The following GNAS variants were observed in gnomAD, a reference collection of about 807,000 sequenced individuals.
GNAS encodes GNAS complex locus, also known as protein ALEX.
A neutral mutation model predicts 54.5 loss-of-function variants in GNAS; 8 were observed. The ratio of observed to expected loss-of-function variants is 0.15; its 90% CI spans 0.09 to 0.26. The LOEUF is 0.26. Among genes scored for constraint, GNAS ranks in the 10% least tolerant of loss-of-function variants. GNAS has a pLI of 1.00. For missense variants in GNAS, 170 were observed against 529.8 expected, an observed-to-expected ratio of 0.32 and a Z score of 6.67; for synonymous variants, 204 against 191.4, an observed-to-expected ratio of 1.07 and a Z score of -0.54.
chr20:58,860,361 T>C (rs1480790195), intron 1 of GNAS, among the ~76,000 whole-genome samples: 2 of 152,060 alleles, frequency 1.3e-5, no homozygotes, highest in Non-Finnish European at 2.9e-5. Flanking sequence ...TGTTTTGTTT[T>C]GTTTTTTTGC....
intron 1 of GNAS, 169 bp downstream of exon 1, chr20:58,892,034 CG>C: frequency 1.2e-6 from 1 of 844,810 alleles, no homozygotes; most frequent in South Asian, 5.4e-5. Flanking sequence ...CCCAGGGGCG[CG>C]GATTCGGCCG....
chr20:58,889,153 A>C (rs2088842335), upstream of GNAS: 1 of 1,212,602 alleles, frequency 8.2e-7, no homozygotes, highest in Non-Finnish European at 1.1e-6. Flanking sequence ...GGCCGGTTAG[A>C]AGCTCTGCTC....
chr20:58,883,972 T>G (rs1275889519), intron 1 of GNAS, among the ~76,000 whole-genome samples: 3 of 152,246 alleles, frequency 2.0e-5, no homozygotes, highest in Admixed American at 6.5e-5. Flanking sequence ...TGAAAAGGTA[T>G]CTACATTTCT....
chr20:58,879,618 CAG>C (rs1317033929), intron 1 of GNAS, among the ~76,000 whole-genome samples: 3 of 152,166 alleles, frequency 2.0e-5, no homozygotes, highest in Non-Finnish European at 2.9e-5. Flanking sequence ...CAAATGCACT[CAG>C]AGGGGTGCGG....
chr20:58,881,067 C>G (rs895753383), intron 1 of GNAS, among the ~76,000 whole-genome samples: 2 of 152,184 alleles, frequency 1.3e-5, no homozygotes, highest in Non-Finnish European at 2.9e-5. Flanking sequence ...TGCATTCATT[C>G]AACTAACTTA....
intron 1 of GNAS, among the ~76,000 whole-genome samples, chr20:58,865,444 T>A (rs1342307264): frequency 3.4e-5 from 5 of 147,808 alleles, no homozygotes; most frequent in Non-Finnish European, 5.9e-5. Context: ...ACACATATAT[T>A]TTATATTATA....
upstream of GNAS, chr20:58,889,381 GC>G: frequency 1.0e-6 from 1 of 983,620 alleles, no homozygotes; most frequent in Non-Finnish European, 1.2e-6. Flanking sequence ...GGGGCCTCCC[GC>G]GGAAGTGCGA....
intron 1 of GNAS, chr20:58,881,728 A>T (rs1332710247): frequency 6.6e-6 from 1 of 152,152 alleles, no homozygotes; most frequent in East Asian, 1.9e-4. Flanking sequence ...ACCCGGGGGT[A>T]ATCATACCTT....
intron 1 of GNAS, chr20:58,854,217 G>A (rs1382490884): frequency 6.2e-7 from 1 of 1,613,048 alleles, no homozygotes; most frequent in Non-Finnish European, 8.5e-7. Context: ...CCCCGCTGGG[G>A]TCGACGACAC....
intron 1 of GNAS, chr20:58,854,553 G>A (rs755658486): frequency 1.9e-6 from 3 of 1,570,608 alleles, no homozygotes; most frequent in East Asian, 4.7e-5. Context: ...AGCCGATCCC[G>A]ACTCCGGGGC....
intron 2 of GNAS, chr20:58,898,670 A>C: frequency 1.7e-6 from 1 of 573,788 alleles, no homozygotes. Flanking sequence ...ACAATTATCC[A>C]TCCCTCCTGT....
chr20:58,852,237 C>G (rs572117432), intron 1 of GNAS, among the ~76,000 whole-genome samples: 96 of 152,226 alleles, frequency 6.3e-4, no homozygotes, highest in Non-Finnish European at 1.2e-3. Flanking sequence ...TGGGCCACTG[C>G]GGAGACCCCT....
intron 1 of GNAS, among the ~76,000 whole-genome samples, chr20:58,892,831 C>A (rs917724192): frequency 6.6e-6 from 1 of 151,812 alleles, no homozygotes; most frequent in Non-Finnish European, 1.5e-5. Flanking sequence ...GACTTGCAGG[C>A]TTTTTCAAAA....
chr20:58,883,971 A>AG (rs1398897171), intron 1 of GNAS, among the ~76,000 whole-genome samples: 1 of 152,268 alleles, frequency 6.6e-6, no homozygotes, highest in Non-Finnish European at 1.5e-5. Context: ...ATGAAAAGGT[A>AG]TCTACATTTC....
intron 1 of GNAS, among the ~76,000 whole-genome samples, chr20:58,883,868 C>A (rs997417657): frequency 6.6e-6 from 1 of 152,156 alleles, no homozygotes; most frequent in Admixed American, 6.5e-5. Context: ...GGTTAGTTCC[C>A]CCCTCAAAAT....
intron 1 of GNAS, chr20:58,842,685 T>G: frequency 2.5e-6 from 1 of 396,050 alleles, no homozygotes; most frequent in Non-Finnish European, 4.4e-6. Context: ...CTGCTTAATG[T>G]AAACAATGAT....
chr20:58,853,290 G>C lies in GNAS; in HGVS notation c.43+12404G>C, dbSNP rs1236975943. ...TATGGGCGTGCGCAACTGCCTCTAC[G>C]GCAATAATATGTCAGGACAACGCGA... On this transcript the variant is annotated intron_variant, in intron 1 of 12. Transcript: ENST00000306090. The surrounding 1 kb of genome is among the most constrained non-coding windows in gnomAD (Gnocchi z 4.4). 1 of 1,549,140 alleles carries C rather than the reference G, an allele frequency of 6.5e-7. No homozygotes were observed. Among genetic ancestry groups the C allele is most frequent in the African/African-American group, 1.4e-5 (1 of 73,094 alleles).
At chr20:58,881,936 C>T (rs1341860154) in intron 1 of GNAS, 2 of 152,220 alleles carry the variant, frequency 1.3e-5, no homozygotes, top group Non-Finnish European at 1.5e-5. Flanking sequence ...CTAAAATCCT[C>T]CAAGAGCTGA....
Position 58,909,039 on chromosome 20 carries a change from C to T in GNAS, c.531-123C>T. On this transcript the variant is annotated intron_variant, in intron 6 of 12. Coordinates refer to ENST00000371085, the MANE Select transcript of GNAS (RefSeq NM_000516.7). This position sits in a 1 kb window ranked among gnomAD's most constrained non-coding sequence, Gnocchi z 7.3. The stretch of plus-strand genomic sequence containing the variant: ...AACACACAAGCAAATGTGCCATTGA[C>T]TTAGTGCTGCATAACTGTGGGACGG... 3 of 830,484 alleles carry T rather than the reference C, an allele frequency of 3.6e-6. No individual in the cohort carries two copies. In the South Asian group the frequency reaches 4.0e-5, roughly 11 times the overall value. 51.4% of individuals were successfully genotyped at this position (830,484 alleles called of 1,614,324 possible). A position where few individuals can be genotyped will look rare whatever the true frequency, so the allele number is the denominator to read the frequency against.
Sources: gnomAD v4.1 joint callset for allele counts (sites outside exome capture counted in the v4.1 genomes callset) on GRCh38, gnomAD v4.1.1 for gene constraint, Gnocchi (gnomAD v3.1) non-coding constraint, MANE v1.5 for transcripts, NCBI Gene and HGNC (gene_info 2026-07-23, HGNC 2026-07-21) for gene names.